ZNF385D: variants seen among roughly 807,000 people sequenced by gnomAD.
ZNF385D encodes the protein zinc finger protein 659.
Under a neutral mutation model 35.8 loss-of-function variants are expected in ZNF385D, and 15 were observed. The observed-to-expected ratio is 0.42, with a 90% CI of 0.28 to 0.64. The LOEUF is 0.64. ZNF385D is among the 30% of genes least tolerant of loss of function. The pLI is 0.23. For synonymous variants in ZNF385D, 212 were observed against 186.8 expected (o/e 1.13, Z -1.10); for missense variants, 474 against 494.6 (o/e 0.96, Z 0.39).
intron 3 of ZNF385D, among the ~76,000 whole-genome samples, chr3:21,910,583 C>A (rs918799696): frequency 6.6e-6 from 1 of 151,812 alleles, no homozygotes; most frequent in Non-Finnish European, 1.5e-5. Context: ...GAAAGTTTAA[C>A]GGGCAAACCA....
At chr3:21,426,202 T>C (rs1163962031) in intron 5 of ZNF385D, among the ~76,000 whole-genome samples, 2 of 152,158 alleles carry the variant, frequency 1.3e-5, no homozygotes, top group Non-Finnish European at 2.9e-5. Context: ...CTATGTATTT[T>C]AGGTTCCAAG....
At chr3:21,790,586 CA>C (rs1447509728) in intron 3 of ZNF385D, among the ~76,000 whole-genome samples, 1 of 152,068 alleles carries the variant, frequency 6.6e-6, no homozygotes, top group African/African-American at 2.4e-5. Context: ...AGAAGATGTG[CA>C]GTCAGAATGC....
chr3:21,974,954 C>A (rs1050809686), intron 3 of ZNF385D, among the ~76,000 whole-genome samples: 1 of 152,082 alleles, frequency 6.6e-6, no homozygotes, highest in African/African-American at 2.4e-5. Context: ...CGGGAACCCT[C>A]GAACACTGTT....
At chr3:21,613,947 G>T (rs1490778558) in intron 2 of ZNF385D, among the ~76,000 whole-genome samples, 2 of 152,204 alleles carry the variant, frequency 1.3e-5, no homozygotes, top group African/African-American at 4.8e-5. Context: ...AACACAGATG[G>T]TTCAGCTGTT....
At chr3:22,372,332 T>C in intron 2 of ZNF385D, 2 of 581,000 alleles carry the variant, frequency 3.4e-6, no homozygotes, top group Non-Finnish European at 4.3e-6. Flanking sequence ...GCGCCCCCCA[T>C]GCGAGCCCCA....
chr3:22,348,414 G>A (rs138622031), intron 2 of ZNF385D, among the ~76,000 whole-genome samples: 4,263 of 149,232 alleles, frequency 0.029, 201 homozygotes, highest in African/African-American at 0.099. Context: ...TTGGGTGGCC[G>A]AGGCAGGCAG....
At chr3:21,607,168 AATAT>A (rs987787097) in intron 2 of ZNF385D, among the ~76,000 whole-genome samples, 1 of 152,178 alleles carries the variant, frequency 6.6e-6, no homozygotes, top group Non-Finnish European at 1.5e-5. Flanking sequence ...CTCAAATACA[AATAT>A]ATATAGATAC....
At chr3:21,946,773 A>G (rs1240924903) in intron 3 of ZNF385D, among the ~76,000 whole-genome samples, 1 of 152,252 alleles carries the variant, frequency 6.6e-6, no homozygotes, top group Non-Finnish European at 1.5e-5. Context: ...CGGAGGTTGC[A>G]GTGAGCCGAA....
intron 2 of ZNF385D, among the ~76,000 whole-genome samples, chr3:22,183,530 G>C (rs956391973): frequency 6.6e-6 from 1 of 152,022 alleles, no homozygotes; most frequent in South Asian, 2.1e-4. Flanking sequence ...GCTAATTTTT[G>C]TATTTTTAGT....
At chr3:22,114,226 TG>T (rs1423532238) in intron 3 of ZNF385D, among the ~76,000 whole-genome samples, 1 of 152,026 alleles carries the variant, frequency 6.6e-6, no homozygotes, top group Non-Finnish European at 1.5e-5. Flanking sequence ...TTAAACATTA[TG>T]GATAAGGATT....
chr3:21,764,572 T>C (rs1290652847), intron 3 of ZNF385D, among the ~76,000 whole-genome samples: 5 of 152,160 alleles, frequency 3.3e-5, no homozygotes, highest in Non-Finnish European at 5.9e-5. Flanking sequence ...AAAAGATATT[T>C]TGCATGGCTG....
At chr3:21,536,466 G>A (rs2062038001) in intron 3 of ZNF385D, among the ~76,000 whole-genome samples, 1 of 152,064 alleles carries the variant, frequency 6.6e-6, no homozygotes, top group Non-Finnish European at 1.5e-5. Context: ...GAAAGAGGAG[G>A]AAGCCCAGTT....
At chr3:22,354,083 T>A (rs1381409075) in intron 2 of ZNF385D, among the ~76,000 whole-genome samples, 1 of 152,138 alleles carries the variant, frequency 6.6e-6, no homozygotes, top group Non-Finnish European at 1.5e-5. Flanking sequence ...CAATGCTCCA[T>A]CTGCTTCTCA....
chr3:22,166,390 G>A (rs1489519097), intron 3 of ZNF385D, among the ~76,000 whole-genome samples: 1 of 152,114 alleles, frequency 6.6e-6, no homozygotes. Flanking sequence ...TTTGAATGAA[G>A]AAAGGCATAG....
intron 3 of ZNF385D, among the ~76,000 whole-genome samples, chr3:22,106,880 A>T (rs901689072): frequency 1.3e-5 from 2 of 152,210 alleles, no homozygotes; most frequent in South Asian, 2.1e-4. Flanking sequence ...CTCATTCTTC[A>T]TAAGAGTGGT....
At chr3:21,764,443 C>G (rs886482589) in intron 3 of ZNF385D, among the ~76,000 whole-genome samples, 1 of 152,128 alleles carries the variant, frequency 6.6e-6, no homozygotes, top group African/African-American at 2.4e-5. Flanking sequence ...CTCGTATAAC[C>G]AGGTGATTTT....
chr3:21,436,952 G>C lies in ZNF385D; in HGVS notation c.673+18C>G, dbSNP rs1246019780. The stretch of plus-strand genomic sequence containing the variant: ...ATTGCAGAGCTGTTGAAACAAAAAA[G>C]AAATCGCTGCATCTCACCACTGTTG... On this transcript the variant is annotated intron_variant, in intron 5 of 7. Transcript: ENST00000281523. 6.2e-7 allele frequency: 1 copy of C among 1,607,766 alleles called. No individual in the cohort carries two copies. Among genetic ancestry groups the C allele is most frequent in the South Asian group, 1.1e-5 (1 of 90,688 alleles).
intron 1 of ZNF385D, among the ~76,000 whole-genome samples, chr3:21,670,905 G>A (rs1394860089): frequency 6.6e-6 from 1 of 151,892 alleles, no homozygotes; most frequent in Admixed American, 6.6e-5. Context: ...CATTCCTTGT[G>A]GGTAAGAGAC....
intron 3 of ZNF385D, among the ~76,000 whole-genome samples, chr3:22,059,447 G>C (rs1699580250): frequency 6.6e-6 from 1 of 152,122 alleles, no homozygotes; most frequent in African/African-American, 2.4e-5. Flanking sequence ...TTGGTTTTAA[G>C]AATATTTTCT....
Sources: allele counts gnomAD v4.1 joint callset (sites outside exome capture counted in the v4.1 genomes callset), GRCh38; gene constraint gnomAD v4.1.1; transcripts MANE v1.5; gene names NCBI Gene and HGNC (gene_info 2026-07-23, HGNC 2026-07-21).